Variants in PCDH15 observed in about 807,000 individuals in gnomAD.
PCDH15 encodes protocadherin related 15.
A neutral mutation model predicts 178.5 loss-of-function variants in PCDH15; 129 were observed. The observed-to-expected ratio is 0.72, with a 90% CI of 0.63 to 0.84. PCDH15 has a LOEUF of 0.84. PCDH15 is among the 40% of genes least tolerant of loss of function. PCDH15 has a pLI of 0.00. For missense variants in PCDH15, 2,230 were observed against 2,099.9 expected (o/e 1.06, Z -1.21); for synonymous variants, 800 against 732.0 (o/e 1.09, Z -1.50).
At chr10:54,991,791 T>C (rs1839507810) in intron 2 of PCDH15, among the ~76,000 whole-genome samples, 1 of 152,140 alleles carries the variant, frequency 6.6e-6, no homozygotes, top group African/African-American at 2.4e-5. Context: ...CTGATGTCTT[T>C]TTACAAACTT....
rs2059099693 is a variant in PCDH15 at position 54,287,434 on chromosome 10, C to T, written c.876+29837G>A. 1.3e-5 allele frequency among the ~76,000 whole-genome samples: 2 copies of T among 151,922 alleles called. 1 individual carries two copies. ...TCTTTAAAAATGTGTTTTAAAATGC[C>T]TTTTTTTCTGCAAAACTGAATTCCA... On this transcript the variant is annotated intron_variant, in intron 8 of 37. Transcript: ENST00000644397.
chr10:53,814,133 A>G (rs1334013419), intron 35 of PCDH15, among the ~76,000 whole-genome samples: 1 of 152,174 alleles, frequency 6.6e-6, no homozygotes, highest in Non-Finnish European at 1.5e-5. Context: ...TGTAAAACTC[A>G]GTGTAATGAC....
At chr10:54,672,017 T>C (rs2094684169) in intron 1 of PCDH15, among the ~76,000 whole-genome samples, 2 of 152,102 alleles carry the variant, frequency 1.3e-5, no homozygotes, top group Non-Finnish European at 2.9e-5. Flanking sequence ...CATTGGATTC[T>C]CATAGGAGGG....
intron 21 of PCDH15, among the ~76,000 whole-genome samples, chr10:53,965,607 C>T (rs1299681372): frequency 6.6e-6 from 1 of 151,968 alleles, no homozygotes; most frequent in African/African-American, 2.4e-5. Context: ...AATTTGATAC[C>T]CTAGTAAATC....
rs190750297 is a variant in PCDH15, at chr10:54,248,949, A to C, written c.877-12018T>G. On this transcript the variant is annotated intron_variant, in intron 8 of 37. Coordinates refer to ENST00000644397, the MANE Select transcript of PCDH15 (RefSeq NM_001384140.1). ...TTAAAAATGGAGGAGTTTAATTTTC[A>C]TAAACTGAGTTGCCAATGAAAAACT... Among the ~76,000 whole-genome samples, 37 of 152,166 alleles carry C rather than the reference A, an allele frequency of 2.4e-4. No individual in the cohort carries two copies. In the East Asian group the frequency reaches 6.6e-3, roughly 27 times the overall value.
At chr10:55,537,928 C>G (rs1233083771) in intron 2 of PCDH15, among the ~76,000 whole-genome samples, 1 of 152,160 alleles carries the variant, frequency 6.6e-6, no homozygotes, top group African/African-American at 2.4e-5. Flanking sequence ...ACAATTCTAG[C>G]TTTAAATATA....
At chr10:54,853,460 C>CAT (rs71888268) in intron 3 of PCDH15, among the ~76,000 whole-genome samples, 3,256 of 140,446 alleles carry the variant, frequency 0.023, 109 homozygotes, top group African/African-American at 0.076. Context: ...TATACACATA[C>CAT]ATATATATAT....
chr10:53,816,147 A>G lies in PCDH15; in HGVS notation c.4491+92T>C, dbSNP rs949522882. ...TCCTTTAAAATTATGCCACATTGGC[A>G]GACACCCACTCTGCCTACAAGAATT... On this transcript the variant is annotated intron_variant, in intron 35 of 37. Transcript: ENST00000644397. 3.3e-5 allele frequency: 13 copies of G among 397,934 alleles called. No individual in the cohort carries two copies. The East Asian group carries it at 4.7e-4, about 14-fold the overall frequency. 24.7% of individuals were successfully genotyped at this position (397,934 alleles called of 1,614,324 possible).
At chr10:55,122,474 G>C (rs557988831) in intron 2 of PCDH15, among the ~76,000 whole-genome samples, 1 of 152,066 alleles carries the variant, frequency 6.6e-6, no homozygotes, top group Non-Finnish European at 1.5e-5. Flanking sequence ...TCAAAGACTT[G>C]CTAAGTTTAA....
intron 3 of PCDH15, among the ~76,000 whole-genome samples, chr10:54,864,162 G>C (rs1953895517): frequency 6.6e-6 from 1 of 152,054 alleles, no homozygotes; most frequent in South Asian, 2.1e-4. Flanking sequence ...TCATACACTT[G>C]ACATCTTTGG....
intron 5 of PCDH15, among the ~76,000 whole-genome samples, chr10:54,357,426 G>C (rs1349882518): frequency 6.6e-6 from 1 of 152,072 alleles, no homozygotes; most frequent in Non-Finnish European, 1.5e-5. Context: ...GCTTCAAAGA[G>C]AATAAAATAC....
At chr10:55,018,070 T>C (rs982233363) in intron 2 of PCDH15, among the ~76,000 whole-genome samples, 2 of 152,108 alleles carry the variant, frequency 1.3e-5, no homozygotes, top group African/African-American at 4.8e-5. Flanking sequence ...ATTGTGAATG[T>C]TATTTTCAAA....
At chr10:54,253,576 C>T (rs918769658) in intron 8 of PCDH15, among the ~76,000 whole-genome samples, 3 of 152,114 alleles carry the variant, frequency 2.0e-5, no homozygotes, top group African/African-American at 7.2e-5. Context: ...GTTTCATTTA[C>T]AGAACAAATT....
At chr10:54,666,067 C>T (rs1228554923) in intron 1 of PCDH15, among the ~76,000 whole-genome samples, 2 of 151,870 alleles carry the variant, frequency 1.3e-5, no homozygotes, top group East Asian at 3.9e-4. Flanking sequence ...TAGTATTTAC[C>T]TCATAAGATT....
chr10:54,235,858 G>GT (rs982540142), intron 9 of PCDH15, among the ~76,000 whole-genome samples: 1 of 152,100 alleles, frequency 6.6e-6, no homozygotes, highest in Non-Finnish European at 1.5e-5. Flanking sequence ...GTTTATGAAA[G>GT]TTTTTTACAA....
At chr10:54,939,330 T>C (rs1253464497) in intron 2 of PCDH15, among the ~76,000 whole-genome samples, 1 of 149,768 alleles carries the variant, frequency 6.7e-6, no homozygotes, top group East Asian at 2.0e-4. Flanking sequence ...TCGTCTCTAC[T>C]AAAAAAAACA....
intron 2 of PCDH15, among the ~76,000 whole-genome samples, chr10:55,091,123 A>T (rs1218994243): frequency 6.6e-6 from 1 of 151,978 alleles, no homozygotes; most frequent in Non-Finnish European, 1.5e-5. Context: ...ATCCTTGCAG[A>T]TCAAATTTGT....
chr10:55,611,551 A>C (rs531957930), intron 2 of PCDH15, among the ~76,000 whole-genome samples: 1 of 152,062 alleles, frequency 6.6e-6, no homozygotes, highest in Non-Finnish European at 1.5e-5. Flanking sequence ...TAAAATGTTG[A>C]TGGGAATGTA....
At chr10:55,542,038 C>T (rs1293926109) in intron 2 of PCDH15, among the ~76,000 whole-genome samples, 1 of 151,664 alleles carries the variant, frequency 6.6e-6, no homozygotes, top group African/African-American at 2.4e-5. Context: ...AAAATTTCCT[C>T]CATGTCAATC....
Sources: allele counts gnomAD v4.1 joint callset (sites outside exome capture counted in the v4.1 genomes callset), GRCh38; gene constraint gnomAD v4.1.1; transcripts MANE v1.5; gene names NCBI Gene and HGNC (gene_info 2026-07-23, HGNC 2026-07-21).